The following RAB11A variants were observed in gnomAD, a reference collection of about 807,000 sequenced individuals.
RAB11A encodes RAB11A, member RAS oncogene family, also known as ras-related protein Rab-11A.
RAB11A carries 9 observed loss-of-function variants against 28.0 expected under a neutral mutation model. The ratio of observed to expected loss-of-function variants is 0.32; its 90% CI spans 0.19 to 0.56. The LOEUF (loss-of-function observed/expected upper bound fraction) is 0.56. RAB11A is among the 20% of genes least tolerant of loss of function. RAB11A has a pLI of 0.91. For synonymous variants in RAB11A, 85 were observed against 88.2 expected (o/e 0.96, Z 0.20); for missense variants, 108 against 269.6 (o/e 0.40, Z 4.20).
intron 1 of RAB11A, among the ~76,000 whole-genome samples, chr15:65,872,312 TAAAG>T (rs1182134949): frequency 2.0e-5 from 3 of 151,952 alleles, no homozygotes; most frequent in African/African-American, 7.3e-5. Context: ...TAAATATTAT[TAAAG>T]AAAATAAAAC....
intron 1 of RAB11A, among the ~76,000 whole-genome samples, chr15:65,874,558 T>A (rs1373823946): frequency 6.6e-6 from 1 of 152,182 alleles, no homozygotes; most frequent in African/African-American, 2.4e-5. Flanking sequence ...GATAACTTTT[T>A]AAAACATTCA....
At chr15:65,875,114 C>T (rs1475353919) in intron 1 of RAB11A, among the ~76,000 whole-genome samples, 3 of 152,082 alleles carry the variant, frequency 2.0e-5, no homozygotes, top group African/African-American at 7.2e-5. Flanking sequence ...TCTACTCCCC[C>T]GGCTAGAGTA....
At position 65,877,535 on chromosome 15, in the gene RAB11A, T is replaced by A; in HGVS notation, c.236+8T>A. The A allele has an allele frequency of 6.2e-7, 1 of 1,605,438 alleles. No individual in the cohort carries two copies. The highest frequency in any genetic ancestry group is 8.5e-7 in the Non-Finnish European group (1 of 1,174,604). ...TCGAGCTATAACATCAGCGTAAGTC[T>A]CATGGTTTTTAAGTTCTGTGAAATG... On this transcript the variant is annotated splice_region_variant and intron_variant, in intron 2 of 4. Transcript: ENST00000261890. This position sits in a 1 kb window ranked among gnomAD's most constrained non-coding sequence, Gnocchi z 4.1.
intron 1 of RAB11A, 71 bp downstream of exon 1, chr15:65,869,696 G>T (rs112864059): frequency 1.3e-6 from 2 of 1,521,702 alleles, no homozygotes; most frequent in Non-Finnish European, 9.0e-7. Context: ...GTGGACCCTC[G>T]TGCCGGCCAC....
chr15:65,870,283 C>CT (rs1260973434), intron 1 of RAB11A, among the ~76,000 whole-genome samples: 2 of 152,218 alleles, frequency 1.3e-5, no homozygotes, highest in African/African-American at 4.8e-5. Flanking sequence ...ACCGCTCCCT[C>CT]TCCCACTCCC....
intron 4 of RAB11A, among the ~76,000 whole-genome samples, chr15:65,887,399 C>G (rs2078262112): frequency 6.6e-6 from 1 of 152,170 alleles, no homozygotes; most frequent in Admixed American, 6.5e-5. Flanking sequence ...TCTTGAACTC[C>G]TGACCTCAGG....
intron 4 of RAB11A, among the ~76,000 whole-genome samples, chr15:65,886,735 T>A (rs1437238713): frequency 6.6e-6 from 1 of 152,212 alleles, no homozygotes; most frequent in Non-Finnish European, 1.5e-5. Context: ...TCACAACACA[T>A]GTTATATGTT....
intron 1 of RAB11A, among the ~76,000 whole-genome samples, chr15:65,870,274 C>A (rs547890794): frequency 1.3e-5 from 2 of 152,346 alleles, no homozygotes; most frequent in African/African-American, 4.8e-5. Flanking sequence ...CCTTCTCTGA[C>A]CGCTCCCTCT....
At chr15:65,872,913 G>T (rs2078171602) in intron 1 of RAB11A, among the ~76,000 whole-genome samples, 1 of 152,156 alleles carries the variant, frequency 6.6e-6, no homozygotes, top group African/African-American at 2.4e-5. Context: ...CACTGAGATG[G>T]ACTGCAGCTG....
In RAB11A at chr15:65,878,069, C is replaced by T. The variant is rs1567137492; in HGVS notation, c.430+114C>T. On this transcript the variant is annotated intron_variant, in intron 3 of 4. Transcript: ENST00000261890. ...CAGAGAGGTAAACATGAATGCTTAG[C>T]AAGAATTGTTTTGAAAGTTTGTGAT... 2.7e-6 allele frequency: 3 copies of T among 1,104,024 alleles called. No homozygotes were observed. The highest frequency in any genetic ancestry group is 4.1e-6 in the Non-Finnish European group (3 of 724,008). 68.4% of individuals were successfully genotyped at this position (1,104,024 alleles called of 1,614,324 possible). A position where few individuals can be genotyped will look rare whatever the true frequency, so the allele number is the denominator to read the frequency against.
At chr15:65,876,017 AAT>A (rs2078189493) in intron 1 of RAB11A, among the ~76,000 whole-genome samples, 2 of 152,250 alleles carry the variant, frequency 1.3e-5, no homozygotes, top group South Asian at 4.1e-4. Flanking sequence ...CAAAGGAAAA[AAT>A]ATCTAGCTCA....
At chr15:65,874,668 G>T (rs907337466) in intron 1 of RAB11A, among the ~76,000 whole-genome samples, 7 of 152,122 alleles carry the variant, frequency 4.6e-5, no homozygotes, top group African/African-American at 7.2e-5. Context: ...CTTTATGATG[G>T]TATAAGGAGT....
intron 4 of RAB11A, among the ~76,000 whole-genome samples, chr15:65,881,584 A>AG (rs1407635513): frequency 1.3e-5 from 2 of 152,178 alleles, no homozygotes; most frequent in East Asian, 1.9e-4. Context: ...TCTGATATTA[A>AG]GTGAAGATGA....
rs2078268245 is a variant in RAB11A at position 65,888,580 on chromosome 15, G to T, written c.*740G>T. 6.6e-6 allele frequency: 1 copy of T among 152,300 alleles called. No homozygotes were observed. Among genetic ancestry groups the T allele is most frequent in the South Asian group, 2.1e-4 (1 of 4,812 alleles). The allele number at this position is 152,300 out of a possible 1,614,324, so 9.4% of individuals were successfully genotyped here. A position where few individuals can be genotyped will look rare whatever the true frequency, so the allele number is the denominator to read the frequency against. Reference sequence around the variant, plus strand: ...GTGGTATTCCATCTCGGGTGCCTCTGTTGGCAATGATCAGGCAGCCCAAAA... The same window carrying T: ...GTGGTATTCCATCTCGGGTGCCTCTTTTGGCAATGATCAGGCAGCCCAAAA... On this transcript the variant is annotated 3_prime_UTR_variant, in exon 5 of 5. Coordinates refer to ENST00000261890, the MANE Select transcript of RAB11A (RefSeq NM_004663.5).
chr15:65,879,702 G>C lies in RAB11A; in HGVS notation c.462G>C (p.Ser154=). 6.3e-7 allele frequency: 1 copy of C among 1,598,694 alleles called. No individual in the cohort carries two copies. The change falls in exon 4 of 5, where the codon TCG becomes TCC. Residue 154 remains serine (S), a synonymous_variant. Transcript: ENST00000261890. ...ATGGTTTGTCATTCATTGAAACTTC[G>C]GCCCTAGACTCTACAAATGTAGAAG... ...EKNGLSFIET[S]ALDSTNVEAA... is the part of the protein sequence containing the mutation.
intron 3 of RAB11A, among the ~76,000 whole-genome samples, chr15:65,878,552 G>T (rs982516787): frequency 6.6e-6 from 1 of 152,162 alleles, no homozygotes; most frequent in Admixed American, 6.5e-5. Flanking sequence ...GGTGGCGGGC[G>T]CCTGTAGTCC....
Position 65,869,653 on chromosome 15 carries a change from A to C in RAB11A, c.40+28A>C, listed in dbSNP as rs199738919. ...GAGGCCATGGGCTCTCGCACTCTAC[A>C]CAGTCCTCGTTCGGGGACCCGGGCC... On this transcript the variant is annotated intron_variant, in intron 1 of 4. Coordinates refer to ENST00000261890, the MANE Select transcript of RAB11A (RefSeq NM_004663.5). 3 of 1,603,226 alleles carry C rather than the reference A, an allele frequency of 1.9e-6. No homozygotes were observed. In the Admixed American group the frequency reaches 5.0e-5, roughly 27 times the overall value.
chr15:65,878,181 T>C, intron 3 of RAB11A: 1 of 590,106 alleles, frequency 1.7e-6, no homozygotes. Flanking sequence ...ATTCTGTCTC[T>C]TTTTCTGTTA....
In RAB11A at chr15:65,877,239, A is replaced by T; in HGVS notation, c.41-93A>T. ...ATACCTTATTTTTCTTGCTTTATTT[A>T]CTCTGAAGCCAAACTTCATTCTGTT... On this transcript the variant is annotated intron_variant, in intron 1 of 4. Transcript: ENST00000261890. This position sits in a 1 kb window ranked among gnomAD's most constrained non-coding sequence, Gnocchi z 4.1. 9.3e-7 allele frequency: 1 copy of T among 1,078,554 alleles called. No homozygotes were observed. Among genetic ancestry groups the T allele is most frequent in the South Asian group, 1.6e-5 (1 of 60,832 alleles). The allele number at this position is 1,078,554 out of a possible 1,614,324, so 66.8% of individuals were successfully genotyped here.
Sources: gnomAD v4.1 joint callset for allele counts (sites outside exome capture counted in the v4.1 genomes callset) on GRCh38, gnomAD v4.1.1 for gene constraint, Gnocchi (gnomAD v3.1) non-coding constraint, MANE v1.5 for transcripts, NCBI Gene and HGNC (gene_info 2026-07-23, HGNC 2026-07-21) for gene names.